Variants in NOC2L observed in about 807,000 individuals in gnomAD.
The protein encoded by NOC2L is nucleolar complex protein 2 homolog.
Under a neutral mutation model 94.2 loss-of-function variants are expected in NOC2L, and 101 were observed. The observed-to-expected ratio is 1.07, with a 90% CI of 0.91 to 1.26. The LOEUF (loss-of-function observed/expected upper bound fraction) is 1.26. Among genes scored for constraint, NOC2L ranks in the 50% most tolerant of loss-of-function variants. The probability of loss-of-function intolerance (pLI) is 0.00; values close to 1 mark genes in which losing one functional copy is unlikely to be tolerated. For missense variants in NOC2L, 1,076 were observed against 980.1 expected (o/e 1.10, Z -1.31); for synonymous variants, 531 against 413.4 (o/e 1.28, Z -3.45).
rs369553946 is a variant in NOC2L at position 945,623 on chromosome 1, G to A, written c.1948C>T (p.Arg650Ter). 34 of 1,614,118 alleles carry A rather than the reference G, an allele frequency of 2.1e-5. No individual in the cohort carries two copies. The highest frequency in any genetic ancestry group is 2.6e-5 in the Non-Finnish European group (31 of 1,180,006). ...LEDLNFPEIK[R>*]RKMADRKDED... Reference sequence around the variant, plus strand: ...TCCTTCCTGTCAGCCATCTTCCTTCGTTTGATCTCAGGGAAGTTCAGGTCT... The same window carrying A: ...TCCTTCCTGTCAGCCATCTTCCTTCATTTGATCTCAGGGAAGTTCAGGTCT... Residue 650 changes from arginine (R) to a stop codon, truncating the protein, a stop_gained, in exon 17 of 19, where the codon CGA (arginine) becomes TGA (stop). Coordinates refer to ENST00000327044, the MANE Select transcript of NOC2L (RefSeq NM_015658.4). LOFTEE classifies it high-confidence loss of function.
rs1346560196 is a variant in NOC2L at position 956,140 on chromosome 1, G to A, written c.562C>T (p.Gln188Ter). The change falls in exon 5 of 19, where the codon CAG becomes TAG. Residue 188 changes from glutamine to a stop codon, truncating the protein, a stop_gained. Coordinates refer to ENST00000327044, the MANE Select transcript of NOC2L (RefSeq NM_015658.4). LOFTEE classifies it high-confidence loss of function. ...AATTTGTTGGCCTCAGCACTTTCCT[G>A]GTCCCCTCGGGTGGTGGCCACAGCT... ...RAAVATTRGD[Q>*]ESAEANKFQV... is the part of the protein sequence containing the mutation. 3.1e-6 allele frequency: 5 copies of A among 1,613,962 alleles called. No individual in the cohort carries two copies. The South Asian group carries it at 4.4e-5, about 14-fold the overall frequency.
chr1:953,598 G>A (rs907166354), intron 8 of NOC2L, among the ~76,000 whole-genome samples, 184 bp downstream of exon 8: 2 of 152,256 alleles, frequency 1.3e-5, no homozygotes, highest in African/African-American at 4.8e-5. Flanking sequence ...GGCAGGCAGG[G>A]ACTGCCTGAG....
intron 12 of NOC2L, among the ~76,000 whole-genome samples, chr1:949,953 A>T (rs981890663): frequency 6.6e-6 from 1 of 152,214 alleles, no homozygotes; most frequent in Non-Finnish European, 1.5e-5. Flanking sequence ...TTAGATAAAC[A>T]GGGTGGAGAT....
chr1:946,495 C>T lies in NOC2L; in HGVS notation c.1710G>A (p.Val570=), dbSNP rs973746476. ...CCTGAACCTTCCCAAGCAGCTGCTG[C>T]ACCTGCCGGCAGTAGTTGGCCACCT... ...ECKVANYCRQ[V]QQLLGKVQEN... Residue 570 remains valine (V), a synonymous_variant, in exon 15 of 19, where the codon GTG becomes GTA. Coordinates refer to ENST00000327044, the MANE Select transcript of NOC2L (RefSeq NM_015658.4). The T allele has an allele frequency of 3.1e-6, 5 of 1,613,132 alleles. No homozygotes were observed. Among genetic ancestry groups the T allele is most frequent in the Non-Finnish European group, 4.2e-6 (5 of 1,180,000 alleles).
intron 4 of NOC2L, 138 bp downstream of exon 4, chr1:956,756 T>A (rs1371371778): frequency 7.9e-7 from 1 of 1,258,670 alleles, no homozygotes; most frequent in African/African-American, 1.5e-5. Flanking sequence ...CAGCACAGCC[T>A]CAGGCGCCTC....
chr1:955,289 C>T (rs1217061170), intron 6 of NOC2L, among the ~76,000 whole-genome samples: 1 of 152,268 alleles, frequency 6.6e-6, no homozygotes, highest in Admixed American at 6.5e-5. Flanking sequence ...TCGGCGAGAC[C>T]TCTCCTGTGG....
chr1:944,555 A>T lies in NOC2L; in HGVS notation c.*139T>A, dbSNP rs747146693. On this transcript the variant is annotated 3_prime_UTR_variant, in exon 19 of 19. Transcript: ENST00000327044. Reference sequence around the variant, plus strand: ...CGATACGTTTGGTCTTTCATGCTGAAAAATAAATAATAAAGCCTGTCCCGT... The same window carrying T: ...CGATACGTTTGGTCTTTCATGCTGATAAATAAATAATAAAGCCTGTCCCGT... 4.7e-6 allele frequency: 3 copies of T among 634,706 alleles called. No individual in the cohort carries two copies. Among genetic ancestry groups the T allele is most frequent in the Non-Finnish European group, 8.0e-6 (3 of 375,268 alleles). The allele number at this position is 634,706 out of a possible 1,614,324, so 39.3% of individuals were successfully genotyped here. A position where few individuals can be genotyped will look rare whatever the true frequency, so the allele number is the denominator to read the frequency against.
chr1:956,627 T>A (rs939644839), intron 4 of NOC2L, among the ~76,000 whole-genome samples: 2 of 152,136 alleles, frequency 1.3e-5, no homozygotes, highest in African/African-American at 4.8e-5. Flanking sequence ...GCCCCTGGAA[T>A]CTACCCAAAA....
chr1:953,758 CAG>C (rs1557621020), intron 8 of NOC2L, 22 bp downstream of exon 8: 2 of 1,550,668 alleles, frequency 1.3e-6, no homozygotes, highest in African/African-American at 1.4e-5. Context: ...ATGACAGACA[CAG>C]GGAGGGGACT....
At position 948,200 on chromosome 1, in the gene NOC2L, G is replaced by A. The variant is rs543607370; in HGVS notation, c.1590C>T (p.Thr530=). Residue 530 remains threonine (T), a synonymous_variant, in exon 14 of 19, where the codon ACC becomes ACT. Transcript: ENST00000327044. ...DGLVEQLYDL[T]LEYLHSQAHC... ...GTGCCTGGCTGTGCAGGTACTCCAG[G>A]GTGAGGTCGTACAGCTGCTCCACCA... 4 of 1,589,026 alleles carry A rather than the reference G, an allele frequency of 2.5e-6. No homozygotes were observed. The highest frequency in any genetic ancestry group is 2.7e-5 in the African/African-American group (2 of 74,526).
At chr1:950,854 C>T (rs1490090269) in intron 12 of NOC2L, among the ~76,000 whole-genome samples, 1 of 152,172 alleles carries the variant, frequency 6.6e-6, no homozygotes, top group African/African-American at 2.4e-5. Flanking sequence ...ATCTCGCCTC[C>T]TGCCTACTCC....
intron 2 of NOC2L, 145 bp from the exon 3 acceptor site, chr1:957,418 G>T: frequency 2.8e-6 from 2 of 714,530 alleles, no homozygotes; most frequent in Non-Finnish European, 4.6e-6. Context: ...GCAGACTCAC[G>T]TCTCCTACCC....
chr1:944,903 C>T (rs985822999), intron 18 of NOC2L, 103 bp from the exon 19 acceptor site: 144 of 1,372,362 alleles, frequency 1.0e-4, no homozygotes, highest in Admixed American at 3.0e-4. Flanking sequence ...TTAATTTATC[C>T]CTGTTGCTGG....
At chr1:947,237 G>C (rs999486985) in intron 14 of NOC2L, among the ~76,000 whole-genome samples, 1 of 152,156 alleles carries the variant, frequency 6.6e-6, no homozygotes, top group Non-Finnish European at 1.5e-5. Context: ...GGGCCCTTGA[G>C]TCCAGAAGCA....
chr1:951,987 C>T lies in NOC2L; in HGVS notation c.1331+13G>A, dbSNP rs780858623. ...TGACCCTCCCGCACAACCCTGCCCACCCCACAACTCACTTGATACAGCCAA... is the reference window on the plus strand; with the variant it reads ...TGACCCTCCCGCACAACCCTGCCCATCCCACAACTCACTTGATACAGCCAA... On this transcript the variant is annotated intron_variant, in intron 11 of 18. Coordinates refer to ENST00000327044, the MANE Select transcript of NOC2L (RefSeq NM_015658.4). The T allele has an allele frequency of 1.2e-6, 2 of 1,609,306 alleles. No homozygotes were observed. The highest frequency in any genetic ancestry group is 1.7e-5 in the Admixed American group (1 of 59,792).
At position 956,920 on chromosome 1, in the gene NOC2L, C is replaced by G; in HGVS notation, c.460G>C (p.Val154Leu). 6.2e-7 allele frequency: 1 copy of G among 1,614,072 alleles called. No individual in the cohort carries two copies. Among genetic ancestry groups the G allele is most frequent in the East Asian group, 2.2e-5 (1 of 44,888 alleles). Residue 154 changes from valine (V) to leucine (L), a missense_variant, in exon 4 of 19, where the codon GTT becomes CTT. By Grantham distance (32) the Val-to-Leu change is conservative. Transcript: ENST00000327044. ...KNSVPVTVAM[V>L]ERWKQAAKQR... Reference sequence around the variant, plus strand: ...TTTGCTGCCTGCTTCCATCTCTCAACCATGGCGACGGTCACAGGAACAGAA... The same window carrying G: ...TTTGCTGCCTGCTTCCATCTCTCAAGCATGGCGACGGTCACAGGAACAGAA...
intron 6 of NOC2L, chr1:954,297 C>T (rs921906480): frequency 1.9e-6 from 1 of 537,580 alleles, no homozygotes; most frequent in Non-Finnish European, 3.3e-6. Flanking sequence ...CTTCAGTGGC[C>T]TTGAACTCCT....
chr1:956,260 C>A (rs776023558), intron 4 of NOC2L, 45 bp from the exon 5 acceptor site: 1 of 1,605,254 alleles, frequency 6.2e-7, no homozygotes, highest in Admixed American at 1.7e-5. Flanking sequence ...GCTGAGACTG[C>A]ACTTGGCAGA....
At position 948,394 on chromosome 1, in the gene NOC2L, T is replaced by C. The variant is rs949640031; in HGVS notation, c.1557+96A>G. 7 of 1,095,886 alleles carry C rather than the reference T, an allele frequency of 6.4e-6. No individual in the cohort carries two copies. The African/African-American group carries it at 1.1e-4, about 17-fold the overall frequency. 67.9% of individuals were successfully genotyped at this position (1,095,886 alleles called of 1,614,324 possible). A position where few individuals can be genotyped will look rare whatever the true frequency, so the allele number is the denominator to read the frequency against. ...CTGGGAGACCATGAAGGTCCATGCT[T>C]GAACTTGGAGGATGCCAGCCCCCTC... is the stretch of plus-strand genomic sequence containing the variant. On this transcript the variant is annotated intron_variant, in intron 13 of 18. Transcript: ENST00000327044.
Sources: allele counts gnomAD v4.1 joint callset (sites outside exome capture counted in the v4.1 genomes callset), GRCh38; gene constraint gnomAD v4.1.1; transcripts MANE v1.5; gene names NCBI Gene and HGNC (gene_info 2026-07-23, HGNC 2026-07-21).